Variants in CHD7 observed in about 807,000 individuals in gnomAD.
The protein encoded by CHD7 is ATP-dependent chromatin remodeler CHD7.
A neutral mutation model predicts 307.3 loss-of-function variants in CHD7; 24 were observed. The ratio of observed to expected loss-of-function variants is 0.08; its 90% CI spans 0.06 to 0.11. CHD7 has a LOEUF of 0.11. CHD7 is among the 10% of genes least tolerant of loss of function. The pLI is 1.00. For synonymous variants in CHD7, 1,363 were observed against 1,349.9 expected (o/e 1.01, Z -0.21); for missense variants, 3,106 against 3,727.1 (o/e 0.83, Z 4.34).
Position 60,828,770 on chromosome 8 carries a change from T to C in CHD7, c.3486T>C (p.Phe1162=), listed in dbSNP as rs1482251095. The C allele has an allele frequency of 6.2e-7, 1 of 1,613,590 alleles. No individual in the cohort carries two copies. Among genetic ancestry groups the C allele is most frequent in the African/African-American group, 1.3e-5 (1 of 74,926 alleles). Residue 1162 remains phenylalanine (F), a synonymous_variant, in exon 14 of 38, where the codon TTT becomes TTC. Transcript: ENST00000423902. Reference sequence around the variant, plus strand: ...GTCGCTTCCCTTCAGAAACCACATTTATGCAAGAATTTGGTGATCTAAAAA... The same window carrying C: ...GTCGCTTCCCTTCAGAAACCACATTCATGCAAGAATTTGGTGATCTAAAAA... The part of the protein sequence containing the change: ...EPSRFPSETT[F]MQEFGDLKTE...
intron 15 of CHD7, among the ~76,000 whole-genome samples, chr8:60,830,814 C>T (rs1804477688): frequency 6.6e-6 from 1 of 152,176 alleles, no homozygotes; most frequent in Non-Finnish European, 1.5e-5. Context: ...CTCCTGACCT[C>T]CCTGTGCTTG....
intron 1 of CHD7, among the ~76,000 whole-genome samples, chr8:60,707,747 A>G (rs1807088385): frequency 6.6e-6 from 1 of 152,226 alleles, no homozygotes; most frequent in Non-Finnish European, 1.5e-5. Context: ...TAATTTATTC[A>G]TATCTCAAAA....
At chr8:60,807,462 ATCT>A (rs1482919248) in intron 6 of CHD7, among the ~76,000 whole-genome samples, 2 of 152,262 alleles carry the variant, frequency 1.3e-5, no homozygotes, top group East Asian at 3.8e-4. Context: ...TCTGAACATC[ATCT>A]TCTGCATACA....
intron 1 of CHD7, among the ~76,000 whole-genome samples, chr8:60,723,682 C>A (rs1044369096): frequency 1.3e-5 from 2 of 152,166 alleles, no homozygotes; most frequent in African/African-American, 2.4e-5. Flanking sequence ...TCAGTGATAA[C>A]GCGAATGGTT....
intron 13 of CHD7, among the ~76,000 whole-genome samples, chr8:60,827,962 A>G (rs1461097650): frequency 6.6e-6 from 1 of 152,148 alleles, no homozygotes; most frequent in Non-Finnish European, 1.5e-5. Context: ...AAGACTGGCC[A>G]TTGTAAAACA....
intron 3 of CHD7, among the ~76,000 whole-genome samples, chr8:60,788,728 G>A (rs923173195): frequency 2.6e-5 from 4 of 152,306 alleles, no homozygotes; most frequent in Non-Finnish European, 2.9e-5. Context: ...TCTGGGCAGC[G>A]CACTGAGCAC....
At chr8:60,702,498 C>T (rs1383744015) in intron 1 of CHD7, among the ~76,000 whole-genome samples, 2 of 152,060 alleles carry the variant, frequency 1.3e-5, no homozygotes, top group Non-Finnish European at 2.9e-5. Flanking sequence ...CTATGTAGTC[C>T]CTTAAGTAAA....
chr8:60,863,146 C>A (rs1242548049), intron 37 of CHD7: 1 of 154,842 alleles, frequency 6.5e-6, no homozygotes, highest in Non-Finnish European at 1.4e-5. Flanking sequence ...GTGTAACATT[C>A]TGTTGATCTT....
intron 1 of CHD7, among the ~76,000 whole-genome samples, chr8:60,697,926 C>T (rs1806564697): frequency 6.6e-6 from 1 of 152,170 alleles, no homozygotes. Context: ...TTGAACATGA[C>T]CCTCCTCAGC....
intron 2 of CHD7, among the ~76,000 whole-genome samples, chr8:60,765,980 A>G (rs550874325): frequency 1.8e-4 from 28 of 152,194 alleles, no homozygotes; most frequent in Non-Finnish European, 3.1e-4. Context: ...GATATAACAG[A>G]GAGTAGTGGT....
intron 2 of CHD7, among the ~76,000 whole-genome samples, chr8:60,745,361 C>T (rs927660866): frequency 4.6e-5 from 7 of 152,154 alleles, no homozygotes; most frequent in Non-Finnish European, 8.8e-5. Context: ...TTGTTGCTCT[C>T]CTCCAGCTTT....
rs533933503 is a variant in CHD7, at chr8:60,711,703, G to A, written c.-174-29556G>A. ...TTGTAGCCTATAATTGTCTACCATA[G>A]AAGTTATAACATGACACAGACATAT... is the stretch of plus-strand genomic sequence containing the variant. On this transcript the variant is annotated intron_variant, in intron 1 of 37. Coordinates refer to ENST00000423902, the MANE Select transcript of CHD7 (RefSeq NM_017780.4). Among the ~76,000 whole-genome samples the A allele has an allele frequency of 2.0e-5, 3 of 152,294 alleles. No individual in the cohort carries two copies. In the South Asian group the frequency reaches 6.2e-4, roughly 32 times the overall value.
At position 60,800,532 on chromosome 8, in the gene CHD7, A is replaced by C; in HGVS notation, c.2376+7A>C. On this transcript the variant is annotated splice_region_variant and intron_variant, in intron 5 of 37. Transcript: ENST00000423902. ...CTCCCAGTCAGAACAGCAGGTTAGT[A>C]CCAGATCTGTGGGATTTATGGATGC... The C allele has an allele frequency of 6.2e-7, 1 of 1,604,234 alleles. No homozygotes were observed. Among genetic ancestry groups the C allele is most frequent in the Non-Finnish European group, 8.5e-7 (1 of 1,176,040 alleles).
chr8:60,759,898 G>A (rs1586280710), intron 2 of CHD7, among the ~76,000 whole-genome samples: 1 of 152,132 alleles, frequency 6.6e-6, no homozygotes, highest in East Asian at 1.9e-4. Flanking sequence ...CTATTCATCG[G>A]ATGTTTAGTG....
intron 2 of CHD7, among the ~76,000 whole-genome samples, chr8:60,755,268 T>C (rs888217174): frequency 6.6e-6 from 1 of 152,112 alleles, no homozygotes; most frequent in South Asian, 2.1e-4. Context: ...TCACATTTTT[T>C]CAAATAAGTA....
chr8:60,691,405 G>A (rs887860650), intron 1 of CHD7, among the ~76,000 whole-genome samples: 5 of 152,086 alleles, frequency 3.3e-5, no homozygotes. Context: ...TTTATTCAAG[G>A]CATTAAAGCA....
rs533046654 is a variant in CHD7 at position 60,810,380 on chromosome 8, A to T, written c.2498+2108A>T. Among the ~76,000 whole-genome samples, 428 of 146,086 alleles carry T rather than the reference A, an allele frequency of 2.9e-3. 1 individual carries two copies. The highest frequency in any genetic ancestry group is 6.1e-3 in the African/African-American group (237 of 39,094). On this transcript the variant is annotated intron_variant, in intron 7 of 37. Coordinates refer to ENST00000423902, the MANE Select transcript of CHD7 (RefSeq NM_017780.4). Reference sequence around the variant, plus strand: ...GTGGATAGGACTGGGAGAGAGAGAGAGTGTGTGTGTGTGTGTGTGTGTGTG... The same window carrying T: ...GTGGATAGGACTGGGAGAGAGAGAGTGTGTGTGTGTGTGTGTGTGTGTGTG...
chr8:60,831,080 T>TGG (rs1804495586), intron 15 of CHD7, among the ~76,000 whole-genome samples: 1 of 152,220 alleles, frequency 6.6e-6, no homozygotes, highest in South Asian at 2.1e-4. Context: ...GCTTTGATAA[T>TGG]TTATGGCCCT....
chr8:60,721,839 CAG>C (rs1807924697), intron 1 of CHD7, among the ~76,000 whole-genome samples: 1 of 152,172 alleles, frequency 6.6e-6, no homozygotes, highest in Admixed American at 6.5e-5. Flanking sequence ...TGTTTAAACT[CAG>C]AGCCTCAGTT....
Sources: gnomAD v4.1 joint callset for allele counts (sites outside exome capture counted in the v4.1 genomes callset) on GRCh38, gnomAD v4.1.1 for gene constraint, MANE v1.5 for transcripts, NCBI Gene and HGNC (gene_info 2026-07-23, HGNC 2026-07-21) for gene names.